CNTNAP2: variants seen among roughly 807,000 people sequenced by gnomAD.
CNTNAP2 encodes contactin-associated protein-like 2.
A neutral mutation model predicts 155.2 loss-of-function variants in CNTNAP2; 98 were observed. The observed-to-expected ratio is 0.63, with a 90% CI of 0.54 to 0.75. CNTNAP2 has a LOEUF of 0.75. Ranked by LOEUF, CNTNAP2 falls within the 30% of genes least tolerant of loss-of-function variation. The pLI, the probability that CNTNAP2 is intolerant of heterozygous loss-of-function variation, is 0.00. For missense variants in CNTNAP2, 1,727 were observed against 1,688.1 expected (o/e 1.02, Z -0.40); for synonymous variants, 651 against 631.2 (o/e 1.03, Z -0.47).
At chr7:147,028,032 TG>T (rs111732016) in intron 3 of CNTNAP2, among the ~76,000 whole-genome samples, 2 of 152,288 alleles carry the variant, frequency 1.3e-5, no homozygotes, top group African/African-American at 4.8e-5. Flanking sequence ...GATGTGGATA[TG>T]GGAATCAGTC....
At chr7:146,412,206 G>C (rs1280554314) in intron 1 of CNTNAP2, among the ~76,000 whole-genome samples, 1 of 152,140 alleles carries the variant, frequency 6.6e-6, no homozygotes, top group Non-Finnish European at 1.5e-5. Flanking sequence ...CCTGCAGGTC[G>C]GCTCCTGTTA....
At chr7:146,897,573 C>T (rs1795902149) in intron 3 of CNTNAP2, among the ~76,000 whole-genome samples, 1 of 151,896 alleles carries the variant, frequency 6.6e-6, no homozygotes, top group Non-Finnish European at 1.5e-5. Flanking sequence ...ATTTCTTGCT[C>T]AGTACGCAGA....
chr7:146,731,738 G>T (rs1801529341), intron 1 of CNTNAP2, among the ~76,000 whole-genome samples: 1 of 152,112 alleles, frequency 6.6e-6, no homozygotes, highest in Non-Finnish European at 1.5e-5. Context: ...TTGTGCCTGG[G>T]ATTTAATTTC....
intron 13 of CNTNAP2, among the ~76,000 whole-genome samples, chr7:147,656,366 G>A (rs1584882543): frequency 6.6e-6 from 1 of 152,296 alleles, no homozygotes; most frequent in East Asian, 1.9e-4. Context: ...CTTGGCTTTC[G>A]ACATGTCTTC....
chr7:146,220,939 C>A (rs867676447), intron 1 of CNTNAP2, among the ~76,000 whole-genome samples: 2 of 152,228 alleles, frequency 1.3e-5, no homozygotes, highest in Non-Finnish European at 2.9e-5. Flanking sequence ...TCATCCCACC[C>A]AGTCTGAGGC....
At chr7:147,083,769 C>G (rs1800197534) in intron 4 of CNTNAP2, among the ~76,000 whole-genome samples, 1 of 138,132 alleles carries the variant, frequency 7.2e-6, no homozygotes, top group Non-Finnish European at 1.5e-5. Flanking sequence ...TATGTGTATA[C>G]ACATATATGT....
intron 11 of CNTNAP2, among the ~76,000 whole-genome samples, chr7:147,533,373 C>T (rs4141165): frequency 0.17 from 25,475 of 151,864 alleles, 2,301 homozygotes; most frequent in East Asian, 0.36. Flanking sequence ...AAATATGAAA[C>T]CTTTGGGTGA....
intron 16 of CNTNAP2, among the ~76,000 whole-genome samples, chr7:148,144,554 G>T (rs1164605847): frequency 6.6e-6 from 1 of 152,134 alleles, no homozygotes; most frequent in Admixed American, 6.5e-5. Context: ...CTATGGTTCT[G>T]CCAGCATCAT....
chr7:147,890,297 G>A (rs1024794600), intron 13 of CNTNAP2, among the ~76,000 whole-genome samples: 3 of 152,166 alleles, frequency 2.0e-5, no homozygotes, highest in Admixed American at 6.5e-5. Context: ...ATAGTCTTAT[G>A]TGTATAGTAA....
rs142229023 is a variant in CNTNAP2, at chr7:147,562,897, G to A, written c.1897+640G>A. On this transcript the variant is annotated intron_variant, in intron 12 of 23. Transcript: ENST00000361727. ...CATCAGACACTTGGCAATATCTTAC[G>A]CTTCAAAAATCCAGAGGAAGGTGTG... is the stretch of plus-strand genomic sequence containing the variant. Among the ~76,000 whole-genome samples the A allele has an allele frequency of 3.7e-3, 565 of 152,190 alleles. 2 individuals are homozygous for A. The highest frequency in any genetic ancestry group is 0.013 in the African/African-American group (520 of 41,518).
At chr7:147,878,158 C>A (rs925059789) in intron 13 of CNTNAP2, among the ~76,000 whole-genome samples, 1 of 143,982 alleles carries the variant, frequency 6.9e-6, no homozygotes, top group African/African-American at 2.5e-5. Flanking sequence ...TTTTTTTTTT[C>A]TTTTTCTTTT....
intron 1 of CNTNAP2, among the ~76,000 whole-genome samples, chr7:146,735,359 T>C (rs188356372): frequency 0.017 from 2,533 of 152,260 alleles, 37 homozygotes; most frequent in African/African-American, 0.047. Flanking sequence ...GAGACCATCC[T>C]GGCTAACACG....
chr7:146,572,273 T>C (rs979530693), intron 1 of CNTNAP2, among the ~76,000 whole-genome samples: 1 of 150,586 alleles, frequency 6.6e-6, no homozygotes, highest in African/African-American at 2.4e-5. Flanking sequence ...TCTTTTTTTT[T>C]TTTTTTTTTT....
intron 4 of CNTNAP2, among the ~76,000 whole-genome samples, chr7:147,094,995 G>A (rs113649351): frequency 0.014 from 2,086 of 151,884 alleles, 56 homozygotes; most frequent in African/African-American, 0.046. Flanking sequence ...CAAGGGCAAC[G>A]CATCTTTCTG....
At chr7:147,581,461 C>T (rs1800498583) in intron 12 of CNTNAP2, among the ~76,000 whole-genome samples, 1 of 152,180 alleles carries the variant, frequency 6.6e-6, no homozygotes, top group African/African-American at 2.4e-5. Flanking sequence ...CTCCACATTG[C>T]TTTGGACAAT....
chr7:147,849,789 C>T (rs1475289106), intron 13 of CNTNAP2: 1 of 152,224 alleles, frequency 6.6e-6, no homozygotes, highest in Non-Finnish European at 1.5e-5. Context: ...ATGGTCATCA[C>T]TTTCACTTAA....
At chr7:146,911,525 A>T (rs926278329) in intron 3 of CNTNAP2, among the ~76,000 whole-genome samples, 1 of 151,990 alleles carries the variant, frequency 6.6e-6, no homozygotes, top group Non-Finnish European at 1.5e-5. Flanking sequence ...ATGAAATTGG[A>T]AATCATCATT....
At chr7:146,777,354 C>T (rs1450536029) in intron 2 of CNTNAP2, among the ~76,000 whole-genome samples, 1 of 152,112 alleles carries the variant, frequency 6.6e-6, no homozygotes, top group Non-Finnish European at 1.5e-5. Context: ...CATTTTTGCT[C>T]CCTAATTTTT....
At position 148,021,511 on chromosome 7, in the gene CNTNAP2, C is replaced by G. The variant is rs79802901; in HGVS notation, c.2383+43522C>G. The stretch of plus-strand genomic sequence containing the variant: ...ACGCTGAATCCTAAAAGATGAGAAG[C>G]ATTTCTAGGGTGCCAGAGTGGAGAA... On this transcript the variant is annotated intron_variant, in intron 15 of 23. Coordinates refer to ENST00000361727, the MANE Select transcript of CNTNAP2 (RefSeq NM_014141.6). Among the ~76,000 whole-genome samples the G allele has an allele frequency of 2.9e-3, 441 of 152,282 alleles. 11 individuals carry two copies. In the East Asian group the frequency reaches 0.078, roughly 27 times the overall value.
Sources: gnomAD v4.1 joint callset for allele counts (sites outside exome capture counted in the v4.1 genomes callset) on GRCh38, gnomAD v4.1.1 for gene constraint, MANE v1.5 for transcripts, NCBI Gene and HGNC (gene_info 2026-07-23, HGNC 2026-07-21) for gene names.